GALNT13: variants seen among roughly 807,000 people sequenced by gnomAD.
The protein encoded by GALNT13 is UDP-GalNAc:polypeptide N-acetylgalactosaminyltransferase 13.
A neutral mutation model predicts 64.2 loss-of-function variants in GALNT13; 28 were observed. The observed-to-expected ratio is 0.44, with a 90% confidence interval of 0.32 to 0.60. The LOEUF is 0.60. Ranked by LOEUF, GALNT13 falls within the 20% of genes least tolerant of loss-of-function variation. The pLI is 0.05. For synonymous variants in GALNT13, 214 were observed against 224.6 expected, an observed-to-expected ratio of 0.95 and a Z score of 0.42; for missense variants, 577 against 669.8, an observed-to-expected ratio of 0.86 and a Z score of 1.53.
At chr2:153,424,821 A>G in the GALNT13 span, among the ~76,000 whole-genome samples, 1 of 151,884 alleles carries the variant, frequency 6.6e-6, no homozygotes, top group Admixed American at 6.6e-5. Context: ...ACTGTTTGTA[A>G]AAGCAAACAC....
At chr2:153,210,760 A>G in the GALNT13 span, among the ~76,000 whole-genome samples, 3 of 152,172 alleles carry the variant, frequency 2.0e-5, no homozygotes, top group Non-Finnish European at 4.4e-5. Context: ...GCAATTTTAG[A>G]CTGCATAATT....
intron 4 of GALNT13, among the ~76,000 whole-genome samples, chr2:154,223,804 G>T (rs1191743569): frequency 6.6e-6 from 1 of 152,030 alleles, no homozygotes. Context: ...TGAAATTAAA[G>T]ATAGCTATAT....
chr2:153,834,150 G>T, the GALNT13 span, among the ~76,000 whole-genome samples: 2 of 152,034 alleles, frequency 1.3e-5, no homozygotes, highest in Non-Finnish European at 1.5e-5. Flanking sequence ...AGTTAGGCGG[G>T]TATATTTTCT....
intron 9 of GALNT13, among the ~76,000 whole-genome samples, chr2:154,371,136 G>T (rs115690355): frequency 2.8e-3 from 425 of 152,188 alleles, no homozygotes; most frequent in African/African-American, 9.8e-3. Context: ...AGTTTCAATG[G>T]AGTGGTGTTG....
At chr2:154,370,161 C>G (rs928930024) in intron 9 of GALNT13, among the ~76,000 whole-genome samples, 5 of 151,942 alleles carry the variant, frequency 3.3e-5, no homozygotes, top group Non-Finnish European at 7.4e-5. Context: ...ACAAGTCAGT[C>G]TCATTGAAGA....
At chr2:153,438,023 G>T in the GALNT13 span, among the ~76,000 whole-genome samples, 1 of 152,174 alleles carries the variant, frequency 6.6e-6, no homozygotes, top group East Asian at 1.9e-4. Flanking sequence ...CAGGCCTGGT[G>T]GTGACAAAAT....
intron 3 of GALNT13, among the ~76,000 whole-genome samples, chr2:154,035,728 GGAATAA>G (rs1698622701): frequency 6.6e-6 from 1 of 151,776 alleles, no homozygotes; most frequent in Non-Finnish European, 1.5e-5. Flanking sequence ...GAATACATTT[GGAATAA>G]TAATACATCA....
At chr2:153,782,684 A>T in the GALNT13 span, among the ~76,000 whole-genome samples, 1 of 152,152 alleles carries the variant, frequency 6.6e-6, no homozygotes, top group Non-Finnish European at 1.5e-5. Flanking sequence ...ATAGGAAGAC[A>T]ATGGCCATCT....
intron 3 of GALNT13, among the ~76,000 whole-genome samples, chr2:153,976,116 T>C (rs1694060336): frequency 6.6e-6 from 1 of 152,160 alleles, no homozygotes; most frequent in Non-Finnish European, 1.5e-5. Flanking sequence ...ATTTTGATTT[T>C]GTCTTACGTA....
the GALNT13 span, among the ~76,000 whole-genome samples, chr2:153,314,983 A>T: frequency 8.7e-4 from 133 of 152,308 alleles, no homozygotes; most frequent in Non-Finnish European, 1.5e-3. Flanking sequence ...TTAAAATAAC[A>T]TCTTCCTTTT....
rs998889376 is a variant in GALNT13, at chr2:154,444,680, T to C, written c.1531-5731T>C. On this transcript the variant is annotated intron_variant, in intron 12 of 12. Transcript: ENST00000392825. ...TCATTTCCAAAGAAATAATGACAGA[T>C]GTAGACATTGATGTTCAGAGATATT... 2.4e-4 allele frequency among the ~76,000 whole-genome samples: 36 copies of C among 152,110 alleles called. 1 individual carries two copies. Among genetic ancestry groups the C allele is most frequent in the Non-Finnish European group, 4.4e-5 (3 of 68,002 alleles).
chr2:154,037,271 C>G (rs905914847), intron 3 of GALNT13, among the ~76,000 whole-genome samples: 1 of 152,050 alleles, frequency 6.6e-6, no homozygotes, highest in African/African-American at 2.4e-5. Flanking sequence ...ATTGCCTTGG[C>G]TGGGTTCTCC....
At chr2:153,794,717 C>T in the GALNT13 span, among the ~76,000 whole-genome samples, 1 of 152,086 alleles carries the variant, frequency 6.6e-6, no homozygotes, top group Non-Finnish European at 1.5e-5. Context: ...GACGTGGTTT[C>T]ACCATCTTGG....
At chr2:154,125,228 G>T (rs1180805917) in intron 3 of GALNT13, among the ~76,000 whole-genome samples, 2 of 152,162 alleles carry the variant, frequency 1.3e-5, no homozygotes, top group Non-Finnish European at 2.9e-5. Flanking sequence ...ACTGGTCATT[G>T]AAATTTTCTA....
At chr2:154,365,423 A>G (rs532270817) in intron 9 of GALNT13, among the ~76,000 whole-genome samples, 150 of 152,332 alleles carry the variant, frequency 9.8e-4, no homozygotes, top group African/African-American at 3.6e-3. Context: ...ATATTTTAAA[A>G]AGAGAATGAA....
chr2:153,306,346 T>C, the GALNT13 span, among the ~76,000 whole-genome samples: 1 of 152,228 alleles, frequency 6.6e-6, no homozygotes, highest in Non-Finnish European at 1.5e-5. Context: ...GTATTTAGTG[T>C]GAATTACTCA....
the GALNT13 span, among the ~76,000 whole-genome samples, chr2:153,107,165 C>G: frequency 6.6e-6 from 1 of 152,092 alleles, no homozygotes; most frequent in Admixed American, 6.6e-5. Flanking sequence ...AAAGAAAGGA[C>G]AGTGAATTAT....
At chr2:153,162,384 C>T in the GALNT13 span, among the ~76,000 whole-genome samples, 1 of 152,130 alleles carries the variant, frequency 6.6e-6, no homozygotes, top group African/African-American at 2.4e-5. Flanking sequence ...AAATGAGGAA[C>T]AGGAAGCACT....
At chr2:153,494,752 T>C in the GALNT13 span, among the ~76,000 whole-genome samples, 1 of 152,042 alleles carries the variant, frequency 6.6e-6, no homozygotes. Flanking sequence ...AATGGTAACT[T>C]AGATTTCATC....
Sources: gnomAD v4.1 joint callset for allele counts (sites outside exome capture counted in the v4.1 genomes callset) on GRCh38, gnomAD v4.1.1 for gene constraint, MANE v1.5 for transcripts, NCBI Gene and HGNC (gene_info 2026-07-23, HGNC 2026-07-21) for gene names.